SOX5: variants seen among roughly 807,000 people sequenced by gnomAD.
SOX5 encodes the protein transcription factor SOX-5.
A neutral mutation model predicts 92.0 loss-of-function variants in SOX5; 9 were observed. That is an observed-to-expected ratio of 0.10 (90% CI 0.06 to 0.17). SOX5 has a LOEUF of 0.17. Among genes scored for constraint, SOX5 ranks in the 10% least tolerant of loss-of-function variants. The probability of loss-of-function intolerance (pLI) is 1.00; values close to 1 mark genes in which losing one functional copy is unlikely to be tolerated. For synonymous variants in SOX5, 344 were observed against 336.3 expected (o/e 1.02, Z -0.25); for missense variants, 642 against 944.5 (o/e 0.68, Z 4.20).
chr12:24,182,396 C>A (rs1250801112), intron 4 of SOX5, among the ~76,000 whole-genome samples: 1 of 152,180 alleles, frequency 6.6e-6, no homozygotes, highest in African/African-American at 2.4e-5. Context: ...AATCAGATAT[C>A]AGTCCACATA....
At chr12:24,049,852 T>C (rs1051050623) in intron 4 of SOX5, among the ~76,000 whole-genome samples, 2 of 151,636 alleles carry the variant, frequency 1.3e-5, no homozygotes, top group Non-Finnish European at 2.9e-5. Context: ...TCTGTTGTGA[T>C]TGTCGGAGGG....
chr12:24,510,310 G>A lies in SOX5; in HGVS notation c.-251+52019C>T, dbSNP rs1949188094. On this transcript the variant is annotated intron_variant, in intron 1 of 4. Coordinates refer to the SOX5 transcript ENST00000446891. ...GAGGATATTCCACCCAAGGATGATA[G>A]AGCGGATAAATACACATCAACCAAC... Among the ~76,000 whole-genome samples the A allele has an allele frequency of 3.3e-5, 5 of 152,202 alleles. No homozygotes were observed. In the South Asian group the frequency reaches 1.0e-3, roughly 32 times the overall value.
intron 6 of SOX5, among the ~76,000 whole-genome samples, chr12:23,731,353 CAT>C (rs2093385264): frequency 1.3e-5 from 2 of 152,300 alleles, no homozygotes; most frequent in South Asian, 4.1e-4. Context: ...AGTCCCCTCT[CAT>C]ATATTTATCT....
intron 1 of SOX5, among the ~76,000 whole-genome samples, chr12:24,492,433 T>C (rs1168295452): frequency 1.3e-5 from 2 of 152,186 alleles, no homozygotes; most frequent in Admixed American, 1.3e-4. Context: ...GATACTTCTA[T>C]CTTGGGAAGT....
At chr12:23,881,999 G>C (rs2096997286) in intron 2 of SOX5, among the ~76,000 whole-genome samples, 1 of 152,166 alleles carries the variant, frequency 6.6e-6, no homozygotes, top group East Asian at 1.9e-4. Context: ...CATTAGGAAA[G>C]TGACAAGTCA....
At chr12:24,330,928 A>G (rs1273015997) in intron 2 of SOX5, among the ~76,000 whole-genome samples, 1 of 152,254 alleles carries the variant, frequency 6.6e-6, no homozygotes, top group Non-Finnish European at 1.5e-5. Context: ...GATGGAAAGC[A>G]GACGGAGTTA....
chr12:23,717,363 A>T (rs2092566768), intron 6 of SOX5, among the ~76,000 whole-genome samples: 1 of 152,182 alleles, frequency 6.6e-6, no homozygotes, highest in South Asian at 2.1e-4. Context: ...AGATGTAGCA[A>T]ATATAGTCTG....
At chr12:23,606,807 G>A (rs2075308770) in intron 8 of SOX5, among the ~76,000 whole-genome samples, 1 of 152,022 alleles carries the variant, frequency 6.6e-6, no homozygotes, top group African/African-American at 2.4e-5. Flanking sequence ...TTTAAATATG[G>A]AATTAAGGTG....
At position 24,392,673 on chromosome 12, in the gene SOX5, C is replaced by T. The variant is rs184138987; in HGVS notation, c.-250-24034G>A. On this transcript the variant is annotated intron_variant, in intron 1 of 4. Transcript: ENST00000446891. ...CACCTATTATATATTTATTTATTTC[C>T]ATCTCTACCCCTAGAACCCAAACGC... is the stretch of plus-strand genomic sequence containing the variant. Among the ~76,000 whole-genome samples, 40 of 152,046 alleles carry T rather than the reference C, an allele frequency of 2.6e-4. No individual in the cohort carries two copies. The East Asian group carries it at 7.5e-3, about 29-fold the overall frequency.
At chr12:24,248,814 G>A (rs569801049) in intron 3 of SOX5, among the ~76,000 whole-genome samples, 45 of 151,974 alleles carry the variant, frequency 3.0e-4, no homozygotes, top group Non-Finnish European at 5.1e-4. Context: ...CTTTGGTAAG[G>A]TTACTTGTTT....
chr12:23,789,669 G>A (rs1456803371), intron 3 of SOX5, among the ~76,000 whole-genome samples: 2 of 151,832 alleles, frequency 1.3e-5, no homozygotes, highest in Admixed American at 1.3e-4. Flanking sequence ...AAAATATCTA[G>A]GAAAGAAAAT....
chr12:23,997,835 A>G (rs1951184349), intron 4 of SOX5, among the ~76,000 whole-genome samples: 1 of 152,192 alleles, frequency 6.6e-6, no homozygotes, highest in Non-Finnish European at 1.5e-5. Flanking sequence ...ATTTTTCTAT[A>G]AAAAGAAACA....
intron 4 of SOX5, among the ~76,000 whole-genome samples, chr12:23,742,354 T>A (rs569602149): frequency 1.1e-4 from 16 of 152,322 alleles, no homozygotes; most frequent in African/African-American, 3.6e-4. Flanking sequence ...TTTCTTATGC[T>A]CTTTCTTATT....
chr12:24,316,693 T>A (rs1487803619), intron 2 of SOX5, among the ~76,000 whole-genome samples: 1 of 152,218 alleles, frequency 6.6e-6, no homozygotes, highest in Non-Finnish European at 1.5e-5. Flanking sequence ...AAATTCCACA[T>A]GTCGTTTCAA....
At chr12:24,227,244 A>C (rs1378437589) in intron 3 of SOX5, 2 of 152,256 alleles carry the variant, frequency 1.3e-5, no homozygotes, top group Non-Finnish European at 2.9e-5. Context: ...GGGTGTCCTC[A>C]ACAGGCGCCT....
intron 2 of SOX5, among the ~76,000 whole-genome samples, chr12:24,362,459 C>A (rs749109069): frequency 6.6e-6 from 1 of 152,154 alleles, no homozygotes; most frequent in Non-Finnish European, 1.5e-5. Flanking sequence ...ACTGACTTCA[C>A]GGGTAACCAG....
chr12:23,660,457 G>GATTGAAGGAGGTA (rs2082886670), intron 7 of SOX5, among the ~76,000 whole-genome samples: 1 of 152,068 alleles, frequency 6.6e-6, no homozygotes, highest in South Asian at 2.1e-4. Flanking sequence ...CCAAGTCCAG[G>GATTGAAGGAGGTA]CTCTCTCCTT....
At chr12:23,625,128 T>G (rs890284815) in intron 8 of SOX5, among the ~76,000 whole-genome samples, 2 of 152,182 alleles carry the variant, frequency 1.3e-5, no homozygotes, top group Non-Finnish European at 2.9e-5. Context: ...TAGTAGACTC[T>G]TAAACAAACA....
At chr12:24,258,975 T>C (rs961130365) in intron 3 of SOX5, among the ~76,000 whole-genome samples, 3 of 152,216 alleles carry the variant, frequency 2.0e-5, no homozygotes, top group Non-Finnish European at 4.4e-5. Flanking sequence ...ACCACTCTTC[T>C]AGGCTACCTC....
Sources: allele counts gnomAD v4.1 joint callset (sites outside exome capture counted in the v4.1 genomes callset), GRCh38; gene constraint gnomAD v4.1.1; transcripts MANE v1.5; gene names NCBI Gene and HGNC (gene_info 2026-07-23, HGNC 2026-07-21).